The following CBFA2T3 variants were observed in gnomAD, a reference collection of about 807,000 sequenced individuals.
CBFA2T3 encodes CBFA2/RUNX1 partner transcriptional co-repressor 3.
Under a neutral mutation model 58.6 loss-of-function variants are expected in CBFA2T3, and 31 were observed. That is an observed-to-expected ratio of 0.53 (90% CI 0.40 to 0.71). The LOEUF is 0.71. CBFA2T3 is among the 30% of genes least tolerant of loss of function. The pLI is 0.00. For synonymous variants in CBFA2T3, 531 were observed against 421.9 expected (o/e 1.26, Z -3.17); for missense variants, 1,076 against 963.1 (o/e 1.12, Z -1.55).
rs113633097 is a variant in CBFA2T3 at position 88,900,853 on chromosome 16, A to C, written c.304+651T>G. The stretch of plus-strand genomic sequence containing the variant: ...GCCCCACAGCCTCCCAGGGCCCACC[A>C]TCGGCGGCTCTGTGCGCCAAGCACG... On this transcript the variant is annotated intron_variant, in intron 2 of 11. Transcript: ENST00000268679. 5.7e-3 allele frequency among the ~76,000 whole-genome samples: 875 copies of C among 152,340 alleles called. 4 individuals carry two copies. Among genetic ancestry groups the C allele is most frequent in the Middle Eastern group, 0.014 (4 of 294 alleles).
chr16:88,964,280 G>A (rs1382336019), intron 1 of CBFA2T3, among the ~76,000 whole-genome samples: 1 of 152,208 alleles, frequency 6.6e-6, no homozygotes, highest in Admixed American at 6.5e-5. Flanking sequence ...CCTGGGGCAG[G>A]CCCCATGCCC....
chr16:88,899,708 G>C (rs1466734899), intron 2 of CBFA2T3, among the ~76,000 whole-genome samples: 1 of 152,224 alleles, frequency 6.6e-6, no homozygotes, highest in African/African-American at 2.4e-5. Flanking sequence ...GCACCCTTGA[G>C]GGTCTGGGGA....
chr16:88,906,183 C>T (rs117482119), intron 1 of CBFA2T3, among the ~76,000 whole-genome samples: 1 of 152,172 alleles, frequency 6.6e-6, no homozygotes, highest in Non-Finnish European at 1.5e-5. Context: ...ACAGCTCCAC[C>T]AAGGCCAACT....
intron 1 of CBFA2T3, among the ~76,000 whole-genome samples, chr16:88,929,689 GCTGCGTGGTCCACGCAAAAACTACCAA>G (rs1971214521): frequency 6.7e-6 from 1 of 150,062 alleles, no homozygotes; most frequent in African/African-American, 2.5e-5. Flanking sequence ...AATACCCACA[GCTGCGTGGTCCACGCAAAAACTACCAA>G]TACCCACAGC....
chr16:88,944,554 T>C (rs549414642), intron 1 of CBFA2T3, among the ~76,000 whole-genome samples: 74 of 152,256 alleles, frequency 4.9e-4, no homozygotes, highest in African/African-American at 1.7e-3. Context: ...CCCACCCTGC[T>C]GCCCTCAGGA....
intron 1 of CBFA2T3, among the ~76,000 whole-genome samples, chr16:88,922,728 C>T (rs977196498): frequency 7.2e-5 from 11 of 152,344 alleles, no homozygotes; most frequent in African/African-American, 2.4e-4. Flanking sequence ...GGGTGGTGGA[C>T]GGCCCCTTCC....
intron 1 of CBFA2T3, among the ~76,000 whole-genome samples, chr16:88,961,274 C>T (rs1007039411): frequency 7.2e-5 from 11 of 152,202 alleles, no homozygotes; most frequent in African/African-American, 2.7e-4. Context: ...TCTGTAGGAA[C>T]TGACACACAG....
At chr16:88,920,916 G>A (rs1970892448) in intron 1 of CBFA2T3, among the ~76,000 whole-genome samples, 1 of 152,272 alleles carries the variant, frequency 6.6e-6, no homozygotes, top group Non-Finnish European at 1.5e-5. Context: ...AAACTCACTG[G>A]GGAGGCATCT....
chr16:88,971,107 C>T (rs1390900568), intron 1 of CBFA2T3, among the ~76,000 whole-genome samples: 3 of 151,938 alleles, frequency 2.0e-5, no homozygotes, highest in African/African-American at 4.8e-5. Flanking sequence ...TTTTCATCAA[C>T]TCAATTTTCC....
intron 1 of CBFA2T3, among the ~76,000 whole-genome samples, chr16:88,966,562 G>A (rs567633456): frequency 4.7e-4 from 72 of 152,166 alleles, no homozygotes; most frequent in Non-Finnish European, 9.1e-4. Context: ...AGCAGTAGAA[G>A]CACCCGGTGC....
At chr16:88,880,619 A>C (rs1468343605) in intron 10 of CBFA2T3, 101 bp downstream of exon 10, 2 of 980,724 alleles carry the variant, frequency 2.0e-6, no homozygotes, top group African/African-American at 3.3e-5. Context: ...CTGAGCCCCC[A>C]GAGAGAGACA....
At position 88,976,715 on chromosome 16, in the gene CBFA2T3, G is replaced by A. The variant is rs767437043; in HGVS notation, c.93C>T (p.Ser31=). ...AGCAGCCGGCAGATGCCAGGAGGCCGCTCTCCAGCACAGGGTGCGTCTGGG... is the reference window on the plus strand; with the variant it reads ...AGCAGCCGGCAGATGCCAGGAGGCCACTCTCCAGCACAGGGTGCGTCTGGG... ...SMSQTHPVLE[S]GLLASAGCSA... is the part of the protein sequence containing the mutation. The change falls in exon 1 of 12, where the codon AGC becomes AGT. Residue 31 remains serine (S), a synonymous_variant. Transcript: ENST00000268679. The A allele has an allele frequency of 2.8e-5, 43 of 1,558,504 alleles. No homozygotes were observed. The highest frequency in any genetic ancestry group is 9.5e-5 in the South Asian group (8 of 84,616).
chr16:88,932,771 A>T (rs890695692), intron 1 of CBFA2T3, among the ~76,000 whole-genome samples: 36 of 134,972 alleles, frequency 2.7e-4, no homozygotes, highest in Non-Finnish European at 3.1e-5. Flanking sequence ...AACATGGCAA[A>T]CCCGTCTCTA....
At chr16:88,942,661 C>T (rs916122845) in intron 1 of CBFA2T3, among the ~76,000 whole-genome samples, 3 of 152,236 alleles carry the variant, frequency 2.0e-5, no homozygotes, top group African/African-American at 7.2e-5. Context: ...AGCTGGGTCA[C>T]TAACCGCAGT....
At chr16:88,904,477 G>A (rs1025341896) in intron 1 of CBFA2T3, among the ~76,000 whole-genome samples, 1 of 152,204 alleles carries the variant, frequency 6.6e-6, no homozygotes, top group South Asian at 2.1e-4. Flanking sequence ...GCCAGGACTC[G>A]GCAGGACTCC....
intron 1 of CBFA2T3, among the ~76,000 whole-genome samples, chr16:88,929,292 T>A (rs1971197013): frequency 6.6e-6 from 1 of 152,090 alleles, no homozygotes; most frequent in Non-Finnish European, 1.5e-5. Context: ...ACGGCATCCA[T>A]CACCGGGGCC....
chr16:88,883,087 G>A (rs1414743189), intron 7 of CBFA2T3, among the ~76,000 whole-genome samples: 3 of 152,226 alleles, frequency 2.0e-5, no homozygotes, highest in South Asian at 2.1e-4. Context: ...GGCAGGGAGC[G>A]GTGGGGGTGG....
rs546665924 is a variant in CBFA2T3, at chr16:88,887,394, G to A, written c.712-1252C>T. On this transcript the variant is annotated intron_variant, in intron 5 of 11. Coordinates refer to ENST00000268679, the MANE Select transcript of CBFA2T3 (RefSeq NM_005187.6). Reference sequence around the variant, plus strand: ...CCAGGGGCCTCCTCTTGGTCAGTTCGGGAACCGGCTGGTCGCTGTTAGGGC... The same window carrying A: ...CCAGGGGCCTCCTCTTGGTCAGTTCAGGAACCGGCTGGTCGCTGTTAGGGC... Among the ~76,000 whole-genome samples the A allele has an allele frequency of 1.9e-4, 29 of 152,244 alleles. No individual in the cohort carries two copies. The South Asian group carries it at 4.6e-3, about 24-fold the overall frequency.
At chr16:88,932,371 A>G (rs1473235301) in intron 1 of CBFA2T3, among the ~76,000 whole-genome samples, 1 of 152,108 alleles carries the variant, frequency 6.6e-6, no homozygotes, top group Non-Finnish European at 1.5e-5. Context: ...GCAGCGGCTC[A>G]CGCCTACAAT....
Sources: gnomAD v4.1 joint callset for allele counts (sites outside exome capture counted in the v4.1 genomes callset) on GRCh38, gnomAD v4.1.1 for gene constraint, MANE v1.5 for transcripts, NCBI Gene and HGNC (gene_info 2026-07-23, HGNC 2026-07-21) for gene names.